PITPNM2: variants seen among roughly 807,000 people sequenced by gnomAD.
PITPNM2 encodes phosphatidylinositol transfer protein membrane associated 2, also known as membrane-associated phosphatidylinositol transfer protein 2.
PITPNM2 carries 35 observed loss-of-function variants against 132.2 expected under a neutral mutation model. The observed-to-expected ratio is 0.26, with a 90% CI of 0.20 to 0.35. The LOEUF (loss-of-function observed/expected upper bound fraction) is 0.35. PITPNM2 is among the 10% of genes least tolerant of loss of function. The probability of loss-of-function intolerance (pLI) is 1.00; values close to 1 mark genes in which losing one functional copy is unlikely to be tolerated. For missense variants in PITPNM2, 1,332 were observed against 1,912.0 expected, an observed-to-expected ratio of 0.70 and a Z score of 5.66; for synonymous variants, 738 against 799.2, an observed-to-expected ratio of 0.92 and a Z score of 1.29.
chr12:123,134,444 G>A lies in PITPNM2; in HGVS notation c.-200+16309C>T, dbSNP rs993506612. On this transcript the variant is annotated intron_variant, in intron 1 of 25. Coordinates refer to ENST00000320201, the MANE Select transcript of PITPNM2 (RefSeq NM_020845.3). ...CTCCACACCTCCTGCAAGAGTCTGC[G>A]GCGGTGTCACCCACAGGGTCCTGGA... is the stretch of plus-strand genomic sequence containing the variant. Among the ~76,000 whole-genome samples, 32 of 152,182 alleles carry A rather than the reference G, an allele frequency of 2.1e-4. No individual in the cohort carries two copies. In the Middle Eastern group the frequency reaches 0.01, roughly 49 times the overall value.
intron 2 of PITPNM2, among the ~76,000 whole-genome samples, chr12:123,105,201 G>T (rs2042678832): frequency 6.6e-6 from 1 of 152,096 alleles, no homozygotes; most frequent in Non-Finnish European, 1.5e-5. Flanking sequence ...CCCTGCTTCT[G>T]CAACTCTGAT....
Position 122,986,841 on chromosome 12 carries a change from G to A in PITPNM2, c.3414-12C>T, listed in dbSNP as rs541507985. On this transcript the variant is annotated splice_polypyrimidine_tract_variant and intron_variant, in intron 23 of 25. Coordinates refer to ENST00000320201, the MANE Select transcript of PITPNM2 (RefSeq NM_020845.3). ...GGTCCTGCCAGTGCCTGGGGGTGAG[G>A]TGTCGTCTCATGGTCACCCCTTCCT... The A allele has an allele frequency of 6.3e-7, 1 of 1,599,610 alleles. No individual in the cohort carries two copies. The highest frequency in any genetic ancestry group is 8.5e-7 in the Non-Finnish European group (1 of 1,172,100).
intron 1 of PITPNM2, among the ~76,000 whole-genome samples, chr12:123,131,580 A>G (rs1009614572): frequency 2.6e-5 from 4 of 152,194 alleles, no homozygotes; most frequent in African/African-American, 9.7e-5. Context: ...TGCTTGCCCT[A>G]GGAGCAGAGG....
At chr12:123,066,083 G>C (rs374085757) in intron 2 of PITPNM2, among the ~76,000 whole-genome samples, 2 of 152,214 alleles carry the variant, frequency 1.3e-5, no homozygotes, top group Non-Finnish European at 1.5e-5. Context: ...TCACAGCTGA[G>C]GTGTCAGTGT....
chr12:123,011,526 G>A (rs889678604), intron 5 of PITPNM2, among the ~76,000 whole-genome samples: 2 of 152,184 alleles, frequency 1.3e-5, no homozygotes, highest in Non-Finnish European at 2.9e-5. Flanking sequence ...CTACGCTGAC[G>A]TACTGAACAC....
At position 123,131,091 on chromosome 12, in the gene PITPNM2, A is replaced by G. The variant is rs531306040; in HGVS notation, c.-200+19662T>C. 3.3e-5 allele frequency among the ~76,000 whole-genome samples: 5 copies of G among 152,302 alleles called. No homozygotes were observed. In the East Asian group the frequency reaches 9.6e-4, roughly 29 times the overall value. The stretch of plus-strand genomic sequence containing the variant: ...ATTCATTCATTCAACAAATATGGAG[A>G]TTATATGGGTTGAAGAATGTCCTCC... On this transcript the variant is annotated intron_variant, in intron 1 of 25. Transcript: ENST00000320201.
intron 1 of PITPNM2, among the ~76,000 whole-genome samples, chr12:123,137,402 G>T (rs527353677): frequency 6.6e-6 from 1 of 152,172 alleles, no homozygotes; most frequent in African/African-American, 2.4e-5. Context: ...GTGGGCAGAA[G>T]AAGGCTGTGC....
At chr12:123,040,831 T>C (rs1332974811) in intron 2 of PITPNM2, among the ~76,000 whole-genome samples, 4 of 152,244 alleles carry the variant, frequency 2.6e-5, no homozygotes, top group Non-Finnish European at 4.4e-5. Flanking sequence ...TAAAAATTCA[T>C]GTAGAACATG....
Position 123,000,916 on chromosome 12 carries a change from G to T in PITPNM2, c.1154-68C>A. 1 of 1,588,502 alleles carries T rather than the reference G, an allele frequency of 6.3e-7. No homozygotes were observed. Among genetic ancestry groups the T allele is most frequent in the Admixed American group, 1.7e-5 (1 of 59,730 alleles). On this transcript the variant is annotated intron_variant, in intron 9 of 25. Coordinates refer to ENST00000320201, the MANE Select transcript of PITPNM2 (RefSeq NM_020845.3). The surrounding 1 kb of genome is among the most constrained non-coding windows in gnomAD (Gnocchi z 5.4). ...CAACCTGGCCGACCGGACAGAGGCT[G>T]CAACTGTGACGAGGGGAGCTTGGGG...
rs1293680412 is a variant in PITPNM2, at chr12:123,008,198, T to C, written c.643+1652A>G. Among the ~76,000 whole-genome samples, 1 of 152,194 alleles carries C rather than the reference T, an allele frequency of 6.6e-6. No homozygotes were observed. Among genetic ancestry groups the C allele is most frequent in the Non-Finnish European group, 1.5e-5 (1 of 68,030 alleles). On this transcript the variant is annotated intron_variant, in intron 6 of 25. Coordinates refer to ENST00000320201, the MANE Select transcript of PITPNM2 (RefSeq NM_020845.3). This position sits in a 1 kb window ranked among gnomAD's most constrained non-coding sequence, Gnocchi z 4.1. ...CCTGCTTTCTGAGGGGAGAACTGACTTTCAGGGAGCTGGGGAGTCTCTGCA... is the reference window on the plus strand; with the variant it reads ...CCTGCTTTCTGAGGGGAGAACTGACCTTCAGGGAGCTGGGGAGTCTCTGCA...
At chr12:123,029,715 C>T (rs911516406) in intron 3 of PITPNM2, among the ~76,000 whole-genome samples, 5 of 151,090 alleles carry the variant, frequency 3.3e-5, no homozygotes, top group African/African-American at 4.9e-5. Context: ...TGTGTGCATG[C>T]ATGTGTCTGT....
rs527894488 is a variant in PITPNM2 at position 122,992,926 on chromosome 12, A to G, written c.2234-257T>C. Among the ~76,000 whole-genome samples the G allele has an allele frequency of 2.0e-5, 3 of 152,230 alleles. No homozygotes were observed. The highest frequency in any genetic ancestry group is 3.9e-4 in the East Asian group (2 of 5,180). ...CTGTAGCCTCCGTCTCCTGGGCTCA[A>G]GTGATCCTACCCCCTCAGCCTCCTG... On this transcript the variant is annotated intron_variant, in intron 15 of 25. Transcript: ENST00000320201. This position sits in a 1 kb window ranked among gnomAD's most constrained non-coding sequence, Gnocchi z 6.5.
intron 2 of PITPNM2, among the ~76,000 whole-genome samples, chr12:123,067,976 G>C (rs1393473140): frequency 2.0e-5 from 3 of 152,180 alleles, no homozygotes; most frequent in African/African-American, 7.2e-5. Flanking sequence ...AATTAGCTCA[G>C]GGCATGCGAG....
intron 1 of PITPNM2, among the ~76,000 whole-genome samples, chr12:123,112,608 G>A (rs571082503): frequency 8.1e-5 from 12 of 148,384 alleles, no homozygotes; most frequent in South Asian, 4.2e-4. Flanking sequence ...GTGCTATCTC[G>A]GCTCACTGCA....
At chr12:122,997,696 AGTTTTGGTTACTCATGCCTGGAGCCTGG>A in intron 10 of PITPNM2, 124 bp from the exon 11 acceptor site, 2 of 1,359,862 alleles carry the variant, frequency 1.5e-6, no homozygotes, top group Non-Finnish European at 2.0e-6. Context: ...TGAGAACCCC[AGTTTTGGTTACTCATGCCTGGAGCCTGG>A]GGTTTGGCTG....
rs1278195033 is a variant in PITPNM2 at position 123,004,836 on chromosome 12, C to G, written c.953-347G>C. ...GCAAACTCCTGAAATTTGGCCACAG[C>G]AGGGCCCAGGCGGGAGATGAGTGAG... On this transcript the variant is annotated intron_variant, in intron 7 of 25. Transcript: ENST00000320201. This position sits in a 1 kb window ranked among gnomAD's most constrained non-coding sequence, Gnocchi z 4.9. 6.6e-6 allele frequency among the ~76,000 whole-genome samples: 1 copy of G among 152,206 alleles called. No individual in the cohort carries two copies. Among genetic ancestry groups the G allele is most frequent in the Non-Finnish European group, 1.5e-5 (1 of 68,024 alleles).
At chr12:123,006,400 G>A (rs1409256013) in intron 6 of PITPNM2, among the ~76,000 whole-genome samples, 1 of 151,830 alleles carries the variant, frequency 6.6e-6, no homozygotes, top group Non-Finnish European at 1.5e-5. Context: ...ACCTTTTAAA[G>A]TATAAAAAAC....
rs1468035045 is a variant in PITPNM2, at chr12:123,005,627, C to T, written c.644-79G>A. 4.9e-6 allele frequency: 7 copies of T among 1,422,230 alleles called. No individual in the cohort carries two copies. The East Asian group carries it at 1.1e-4, about 23-fold the overall frequency. 88.1% of individuals were successfully genotyped at this position (1,422,230 alleles called of 1,614,324 possible). On this transcript the variant is annotated intron_variant, in intron 6 of 25. Coordinates refer to ENST00000320201, the MANE Select transcript of PITPNM2 (RefSeq NM_020845.3). The surrounding 1 kb of genome is among the most constrained non-coding windows in gnomAD (Gnocchi z 6.2). ...GGAGCCTGCACGGAAGTGTGGGGCCCAGGCAGGGGCTTTGGGAGGCTGTAC... is the reference window on the plus strand; with the variant it reads ...GGAGCCTGCACGGAAGTGTGGGGCCTAGGCAGGGGCTTTGGGAGGCTGTAC...
At chr12:123,125,864 GT>G (rs373787897) in intron 1 of PITPNM2, among the ~76,000 whole-genome samples, 33 of 64,848 alleles carry the variant, frequency 5.1e-4, no homozygotes, top group African/African-American at 1.5e-3. Context: ...AAAAATTAGG[GT>G]TTTTTTTTTT....
Sources: allele counts gnomAD v4.1 joint callset (sites outside exome capture counted in the v4.1 genomes callset), GRCh38; gene constraint gnomAD v4.1.1; non-coding constraint Gnocchi (gnomAD v3.1); transcripts MANE v1.5; gene names NCBI Gene and HGNC (gene_info 2026-07-23, HGNC 2026-07-21).